Variants in L3MBTL3 observed in about 807,000 individuals in gnomAD.
L3MBTL3 encodes the protein L3MBTL histone methyl-lysine binding protein 3.
Under a neutral mutation model 102.3 loss-of-function variants are expected in L3MBTL3, and 27 were observed. The observed-to-expected ratio is 0.26, with a 90% CI of 0.19 to 0.36. The LOEUF (loss-of-function observed/expected upper bound fraction) is 0.36. Among genes scored for constraint, L3MBTL3 ranks in the 10% least tolerant of loss-of-function variants. The pLI, the probability that L3MBTL3 is intolerant of heterozygous loss-of-function variation, is 1.00. For synonymous variants in L3MBTL3, 340 were observed against 320.9 expected (o/e 1.06, Z -0.64); for missense variants, 798 against 955.3 (o/e 0.84, Z 2.17).
chr6:130,094,259 T>C lies in L3MBTL3; in HGVS notation c.1634-6T>C. 6.2e-7 allele frequency: 1 copy of C among 1,609,998 alleles called. No homozygotes were observed. Among genetic ancestry groups the C allele is most frequent in the Non-Finnish European group, 8.5e-7 (1 of 1,177,074 alleles). ...CCCCTTCTTTCTTTTCTTTGCTCTT[T>C]CATAGGCCCCTTAGAATTAATGGAA... On this transcript the variant is annotated splice_region_variant and splice_polypyrimidine_tract_variant and intron_variant, in intron 17 of 22. Coordinates refer to ENST00000361794, the MANE Select transcript of L3MBTL3 (RefSeq NM_032438.4).
rs1401489472 is a variant in L3MBTL3 at position 130,133,212 on chromosome 6, A to G, written c.1967-240A>G. On this transcript the variant is annotated intron_variant, in intron 20 of 22. Transcript: ENST00000361794. This position sits in a 1 kb window ranked among gnomAD's most constrained non-coding sequence, Gnocchi z 4.9. ...CATTAAAGAGACAACGTTGAACAACATAATGAAGCATGTCTTTAGTAATGA... is the reference window on the plus strand; with the variant it reads ...CATTAAAGAGACAACGTTGAACAACGTAATGAAGCATGTCTTTAGTAATGA... Among the ~76,000 whole-genome samples, 7 of 152,268 alleles carry G rather than the reference A, an allele frequency of 4.6e-5. No individual in the cohort carries two copies. The highest frequency in any genetic ancestry group is 1.7e-4 in the African/African-American group (7 of 41,472).
Position 130,104,437 on chromosome 6 carries a change from G to T in L3MBTL3, c.1748G>T (p.Cys583Phe). Residue 583 changes from cysteine to phenylalanine, a missense_variant, in exon 19 of 23, where the codon TGT becomes TTT. Coordinates refer to ENST00000361794, the MANE Select transcript of L3MBTL3 (RefSeq NM_032438.4). Reference sequence around the variant, plus strand: ...TTTTAATCTGTTAGTGCTGCCAACTGTCCCTATTCAGAAATCAATTTGAAT... The same window carrying T: ...TTTTAATCTGTTAGTGCTGCCAACTTTCCCTATTCAGAAATCAATTTGAAT... ...RHLGPHSAAN[C>F]PYSEINLNKD... The T allele has an allele frequency of 6.4e-7, 1 of 1,553,636 alleles. No homozygotes were observed. Among genetic ancestry groups the T allele is most frequent in the Non-Finnish European group, 8.7e-7 (1 of 1,152,788 alleles).
intron 22 of L3MBTL3, chr6:130,137,785 C>T (rs1375489258): frequency 6.6e-6 from 1 of 152,198 alleles, no homozygotes; most frequent in Non-Finnish European, 1.5e-5. Context: ...ACTTAGAAGA[C>T]TTCTATAAGG....
chr6:130,020,083 G>A (rs1157835956), intron 1 of L3MBTL3, among the ~76,000 whole-genome samples: 11 of 150,176 alleles, frequency 7.3e-5, no homozygotes, highest in Non-Finnish European at 1.6e-4. Context: ...GTTTACGCCT[G>A]CCTTATTCTG....
At chr6:130,110,040 C>T (rs143979748) in intron 19 of L3MBTL3, among the ~76,000 whole-genome samples, 1 of 152,248 alleles carries the variant, frequency 6.6e-6, no homozygotes, top group East Asian at 1.9e-4. Context: ...GGTCTCTGTT[C>T]TCTTCCATTG....
intron 9 of L3MBTL3, among the ~76,000 whole-genome samples, chr6:130,058,162 A>AAAAAAAAAAATAAAAT (rs1475830615): frequency 2.7e-5 from 4 of 149,288 alleles, no homozygotes; most frequent in African/African-American, 9.7e-5. Flanking sequence ...AAAAAAAAAA[A>AAAAAAAAAAATAAAAT]AAAAAAAAAA....
In L3MBTL3 at chr6:130,133,367, AGTCTC is replaced by A; in HGVS notation, c.1967-82_1967-78del. On this transcript the variant is annotated intron_variant, in intron 20 of 22. Coordinates refer to ENST00000361794, the MANE Select transcript of L3MBTL3 (RefSeq NM_032438.4). The surrounding 1 kb of genome is among the most constrained non-coding windows in gnomAD (Gnocchi z 4.9). ...CAATGCTTTAACCACTCCCACCTCC[AGTCTC>A]GTTATCTGGGAGATGCACGGCATTT... 1 of 1,292,418 alleles carries A rather than the reference AGTCTC, an allele frequency of 7.7e-7. No homozygotes were observed. The highest frequency in any genetic ancestry group is 1.1e-6 in the Non-Finnish European group (1 of 907,148). The allele number at this position is 1,292,418 out of a possible 1,614,324, so 80.1% of individuals were successfully genotyped here.
intron 2 of L3MBTL3, among the ~76,000 whole-genome samples, chr6:130,038,580 T>C (rs930293483): frequency 5.9e-5 from 9 of 152,156 alleles, no homozygotes; most frequent in African/African-American, 1.9e-4. Context: ...TTGAGAAATA[T>C]CTGTGTAGAT....
chr6:130,128,301 A>G (rs1431674777), intron 20 of L3MBTL3, among the ~76,000 whole-genome samples: 1 of 152,150 alleles, frequency 6.6e-6, no homozygotes, highest in African/African-American at 2.4e-5. Flanking sequence ...TTGGTCCAGG[A>G]TTTAAATGGT....
At chr6:130,088,627 A>G (rs1311780086) in intron 16 of L3MBTL3, among the ~76,000 whole-genome samples, 1 of 152,158 alleles carries the variant, frequency 6.6e-6, no homozygotes, top group Non-Finnish European at 1.5e-5. Context: ...GCTCTCATTT[A>G]TGTTTTTAGT....
At chr6:130,039,558 T>G (rs1286039169) in intron 2 of L3MBTL3, among the ~76,000 whole-genome samples, 1 of 151,750 alleles carries the variant, frequency 6.6e-6, no homozygotes, top group Non-Finnish European at 1.5e-5. Flanking sequence ...CCTTTTCACT[T>G]CTAAAAATGG....
intron 6 of L3MBTL3, 110 bp from the exon 7 acceptor site, chr6:130,052,749 T>C (rs1781185061): frequency 1.2e-5 from 16 of 1,353,514 alleles, no homozygotes; most frequent in Non-Finnish European, 1.5e-5. Context: ...GTTAAAGATT[T>C]TTCCTTTGCA....
chr6:130,134,500 A>G (rs73780148), intron 22 of L3MBTL3, among the ~76,000 whole-genome samples: 1,811 of 152,334 alleles, frequency 0.012, 46 homozygotes, highest in African/African-American at 0.042. Context: ...GAATGATATC[A>G]CTTACAGTGA....
At chr6:130,115,030 T>G (rs562773900) in intron 19 of L3MBTL3, among the ~76,000 whole-genome samples, 33 of 147,690 alleles carry the variant, frequency 2.2e-4, no homozygotes, top group Non-Finnish European at 2.4e-4. Flanking sequence ...AAGTCACAGC[T>G]CAGAAACTTA....
At chr6:130,066,318 A>ATAT in intron 10 of L3MBTL3, 35 bp from the exon 11 acceptor site, 1 of 1,112,724 alleles carries the variant, frequency 9.0e-7, no homozygotes. Context: ...ATTCTGAGTT[A>ATAT]AAAAAAATAA....
intron 3 of L3MBTL3, among the ~76,000 whole-genome samples, chr6:130,048,192 G>T (rs183447841): frequency 6.6e-6 from 1 of 152,140 alleles, no homozygotes; most frequent in Admixed American, 6.5e-5. Context: ...TGACTAAATC[G>T]ATTTTTTCGG....
At chr6:130,109,744 C>T (rs1201893182) in intron 19 of L3MBTL3, among the ~76,000 whole-genome samples, 1 of 152,168 alleles carries the variant, frequency 6.6e-6, no homozygotes, top group Non-Finnish European at 1.5e-5. Context: ...GCTTTTGTTG[C>T]AGTTGCTTTT....
intron 19 of L3MBTL3, among the ~76,000 whole-genome samples, chr6:130,107,359 C>T (rs1785052451): frequency 1.3e-5 from 2 of 152,062 alleles, no homozygotes; most frequent in Non-Finnish European, 2.9e-5. Context: ...AACCAGGATG[C>T]AGTAAGTCAG....
At chr6:130,064,423 T>C (rs906877120) in intron 10 of L3MBTL3, among the ~76,000 whole-genome samples, 1 of 152,006 alleles carries the variant, frequency 6.6e-6, no homozygotes, top group African/African-American at 2.4e-5. Context: ...GCAGTTCTTG[T>C]TGGGGACTAG....
Sources: allele counts gnomAD v4.1 joint callset (sites outside exome capture counted in the v4.1 genomes callset), GRCh38; gene constraint gnomAD v4.1.1; non-coding constraint Gnocchi (gnomAD v3.1); transcripts MANE v1.5; gene names NCBI Gene and HGNC (gene_info 2026-07-23, HGNC 2026-07-21).